ZDHHC6: variants seen among roughly 807,000 people sequenced by gnomAD.
ZDHHC6 encodes the protein palmitoyltransferase ZDHHC6.
Under a neutral mutation model 57.8 loss-of-function variants are expected in ZDHHC6, and 32 were observed. That is an observed-to-expected ratio of 0.55 (90% confidence interval 0.42 to 0.74). The LOEUF (loss-of-function observed/expected upper bound fraction) is 0.74. Among genes scored for constraint, ZDHHC6 ranks in the 30% least tolerant of loss-of-function variants. The pLI is 0.00. For missense variants in ZDHHC6, 433 were observed against 500.7 expected (o/e 0.86, Z 1.29); for synonymous variants, 128 against 158.0 (o/e 0.81, Z 1.42).
chr10:112,426,764 T>G, downstream of ZDHHC6: 1 of 1,608,970 alleles, frequency 6.2e-7, no homozygotes, highest in Non-Finnish European at 8.5e-7. Flanking sequence ...CAGCCATGCT[T>G]TAAGTGATGT....
downstream of ZDHHC6, among the ~76,000 whole-genome samples, chr10:112,428,641 G>A (rs761975278): frequency 1.2e-4 from 18 of 152,026 alleles, no homozygotes; most frequent in Non-Finnish European, 2.4e-4. Context: ...CGTGGTGGCG[G>A]GCACCTGTAG....
Position 112,445,166 on chromosome 10 carries a change from T to G in ZDHHC6, c.267+4A>C, listed in dbSNP as rs1442020806. The stretch of plus-strand genomic sequence containing the variant: ...AGTTCATTGTCTTACAGAATCTTTC[T>G]TACCGGTTTCCACCCCAGAGGGACA... On this transcript the variant is annotated splice_donor_region_variant and intron_variant, in intron 2 of 10. Transcript: ENST00000369405. 6.2e-7 allele frequency: 1 copy of G among 1,609,704 alleles called. No homozygotes were observed. Among genetic ancestry groups the G allele is most frequent in the Non-Finnish European group, 8.5e-7 (1 of 1,176,810 alleles).
downstream of ZDHHC6, among the ~76,000 whole-genome samples, chr10:112,429,689 A>T (rs1844869913): frequency 6.6e-6 from 1 of 152,140 alleles, no homozygotes; most frequent in Non-Finnish European, 1.5e-5. Context: ...CACTCACACA[A>T]GCTTCAGCTT....
chr10:112,431,319 CTT>C (rs34856773), intron 10 of ZDHHC6, among the ~76,000 whole-genome samples: 3 of 145,512 alleles, frequency 2.1e-5, no homozygotes, highest in Middle Eastern at 3.5e-3. Flanking sequence ...ATATTTCTTT[CTT>C]TTTTTTTTTT....
At chr10:112,428,446 A>C (rs1844821970), downstream of ZDHHC6, 2 of 398,624 alleles carry the variant, frequency 5.0e-6, no homozygotes, top group Non-Finnish European at 8.8e-6. Flanking sequence ...CCCCTTAAAA[A>C]TCAAGTACAG....
intron 3 of ZDHHC6, among the ~76,000 whole-genome samples, chr10:112,442,596 A>G (rs1846229350): frequency 6.6e-6 from 1 of 152,228 alleles, no homozygotes; most frequent in Admixed American, 6.5e-5. Flanking sequence ...GATGTCAGCT[A>G]CAAGTATTTG....
intron 3 of ZDHHC6, among the ~76,000 whole-genome samples, chr10:112,443,170 C>A (rs1338412285): frequency 1.3e-5 from 2 of 152,138 alleles, no homozygotes; most frequent in African/African-American, 2.4e-5. Flanking sequence ...CAGAACAATT[C>A]TAAAGTTAGT....
chr10:112,427,007 G>A (rs1020504591), downstream of ZDHHC6: 9 of 854,924 alleles, frequency 1.1e-5, no homozygotes, highest in Non-Finnish European at 1.6e-5. Context: ...GTAGTTACTT[G>A]TACAGCGCCC....
intron 9 of ZDHHC6, 42 bp from the exon 10 acceptor site, chr10:112,432,328 T>C (rs748244586): frequency 1.2e-6 from 2 of 1,609,056 alleles, no homozygotes; most frequent in Non-Finnish European, 1.7e-6. Flanking sequence ...TTAGGCTAGA[T>C]ATTAATTTTG....
At chr10:112,442,147 C>T (rs1463978993) in intron 4 of ZDHHC6, 45 bp downstream of exon 4, 1 of 1,538,792 alleles carries the variant, frequency 6.5e-7, no homozygotes, top group South Asian at 1.3e-5. Context: ...ACCATTTAAT[C>T]TTGCATGGAT....
chr10:112,431,557 A>G (rs1344952897), intron 10 of ZDHHC6, among the ~76,000 whole-genome samples: 1 of 152,096 alleles, frequency 6.6e-6, no homozygotes, highest in African/African-American at 2.4e-5. Context: ...CAGGTGATCC[A>G]TCTGCCTTGG....
At chr10:112,425,641 GCAA>G, downstream of ZDHHC6, 1 of 635,098 alleles carries the variant, frequency 1.6e-6, no homozygotes, top group Non-Finnish European at 2.4e-6. Context: ...CTCAAATAAG[GCAA>G]TTTCAATTTA....
intron 1 of ZDHHC6, 46 bp from the exon 2 acceptor site, chr10:112,445,696 A>T (rs1246454575): frequency 1.9e-6 from 1 of 532,122 alleles, no homozygotes; most frequent in East Asian, 2.8e-5. Flanking sequence ...AAAACAAAAC[A>T]AAACCTTTAT....
At chr10:112,440,232 T>C (rs183995827) in intron 5 of ZDHHC6, among the ~76,000 whole-genome samples, 5 of 152,232 alleles carry the variant, frequency 3.3e-5, no homozygotes, top group East Asian at 1.9e-4. Flanking sequence ...GACTCCTCTA[T>C]TGGGGTGGAT....
chr10:112,439,669 A>AAAAAAAAAAAAAAAAT (rs757796332), intron 5 of ZDHHC6, among the ~76,000 whole-genome samples: 8 of 108,562 alleles, frequency 7.4e-5, no homozygotes, highest in South Asian at 3.1e-4. Flanking sequence ...AAAAAAAAAA[A>AAAAAAAAAAAAAAAAT]GAATGAAAAA....
At position 112,445,664 on chromosome 10, in the gene ZDHHC6, A is replaced by T; in HGVS notation, c.-214-14T>A. ...CTGAAACCCAACCTAAAGAAAACAA[A>T]ATGGGAAAGTTCAGTTAAAACAAAA... On this transcript the variant is annotated splice_polypyrimidine_tract_variant and intron_variant, in intron 1 of 10. Coordinates refer to ENST00000369405, the MANE Select transcript of ZDHHC6 (RefSeq NM_022494.3). 1 of 548,358 alleles carries T rather than the reference A, an allele frequency of 1.8e-6. No individual in the cohort carries two copies. The highest frequency in any genetic ancestry group is 2.8e-5 in the East Asian group (1 of 35,664). 34.0% of individuals were successfully genotyped at this position (548,358 alleles called of 1,614,324 possible).
chr10:112,433,210 A>T (rs771272767), intron 8 of ZDHHC6, 30 bp downstream of exon 8: 3 of 1,552,440 alleles, frequency 1.9e-6, no homozygotes, highest in African/African-American at 1.4e-5. Context: ...CAAAAGAAAA[A>T]AAAATTACCA....
chr10:112,426,426 C>G (rs1844717528), downstream of ZDHHC6: 1 of 1,331,252 alleles, frequency 7.5e-7, no homozygotes. Context: ...GATGCCTCAC[C>G]AGTTCCTGCA....
rs1844929498 is a variant in ZDHHC6 at position 112,430,592 on chromosome 10, G to A, written c.*212C>T. On this transcript the variant is annotated 3_prime_UTR_variant, in exon 11 of 11. Coordinates refer to ENST00000369405, the MANE Select transcript of ZDHHC6 (RefSeq NM_022494.3). ...ATGTTTTTCCTTTGAGGGGGAGGAA[G>A]AGGTGGTAAAGAGGGGCAGGAATTC... The A allele has an allele frequency of 4.8e-6, 2 of 419,540 alleles. No homozygotes were observed. The highest frequency in any genetic ancestry group is 8.4e-5 in the South Asian group (2 of 23,848). The allele number at this position is 419,540 out of a possible 1,614,324, so 26.0% of individuals were successfully genotyped here. A position where few individuals can be genotyped will look rare whatever the true frequency, so the allele number is the denominator to read the frequency against.
Sources: allele counts gnomAD v4.1 joint callset (sites outside exome capture counted in the v4.1 genomes callset), GRCh38; gene constraint gnomAD v4.1.1; transcripts MANE v1.5; gene names NCBI Gene and HGNC (gene_info 2026-07-23, HGNC 2026-07-21).